The following DPH6 variants were observed in gnomAD, a reference collection of about 807,000 sequenced individuals.
DPH6 encodes diphthamine biosynthesis 6, also known as diphthine--ammonia ligase.
A neutral mutation model predicts 38.2 loss-of-function variants in DPH6; 33 were observed. That is an observed-to-expected ratio of 0.86 (90% CI 0.65 to 1.15). The LOEUF (loss-of-function observed/expected upper bound fraction) is 1.15. Ranked by LOEUF, DPH6 falls within the 50% of genes most tolerant of loss-of-function variation. The pLI, the probability that DPH6 is intolerant of heterozygous loss-of-function variation, is 0.00. For missense variants in DPH6, 325 were observed against 320.0 expected, an observed-to-expected ratio of 1.02 and a Z score of -0.12; for synonymous variants, 108 against 103.0, an observed-to-expected ratio of 1.05 and a Z score of -0.30.
At chr15:35,246,038 C>G (rs11639245) in intron 3 of DPH6, among the ~76,000 whole-genome samples, 4,264 of 152,188 alleles carry the variant, frequency 0.028, 88 homozygotes, top group Middle Eastern at 0.044. Flanking sequence ...TCAGAAGCTC[C>G]CCCACTGAGC....
chr15:35,537,867 G>C (rs1184003190), intron 3 of DPH6, among the ~76,000 whole-genome samples: 1 of 151,982 alleles, frequency 6.6e-6, no homozygotes, highest in Non-Finnish European at 1.5e-5. Context: ...ACTAGAAAGT[G>C]AGCTCCATTA....
intron 3 of DPH6, among the ~76,000 whole-genome samples, chr15:35,294,834 G>A (rs1279940500): frequency 1.3e-5 from 2 of 152,310 alleles, no homozygotes; most frequent in Middle Eastern, 3.4e-3. Flanking sequence ...AGTGAGGGAA[G>A]GTTTTCCTAA....
intron 7 of DPH6, among the ~76,000 whole-genome samples, chr15:35,374,858 C>A (rs1050176014): frequency 6.6e-6 from 1 of 152,004 alleles, no homozygotes; most frequent in African/African-American, 2.4e-5. Context: ...TGCTTGCTAC[C>A]ACCTGTCCCT....
chr15:35,298,654 C>A, intron 3 of DPH6: 2 of 1,286,596 alleles, frequency 1.6e-6, no homozygotes, highest in Non-Finnish European at 2.3e-6. Context: ...TCTTCTCCAC[C>A]GAAAAGGCGG....
chr15:35,525,193 AACAAAAGCT>A (rs563988375), intron 3 of DPH6, among the ~76,000 whole-genome samples: 44 of 152,212 alleles, frequency 2.9e-4, no homozygotes, highest in Non-Finnish European at 4.6e-4. Flanking sequence ...AATTTTTAAA[AACAAAAGCT>A]ACACTTGAGG....
intron 3 of DPH6, among the ~76,000 whole-genome samples, chr15:35,493,764 G>A (rs1037021715): frequency 9.2e-5 from 14 of 152,092 alleles, no homozygotes; most frequent in African/African-American, 3.1e-4. Context: ...ATGGGGGTTA[G>A]AATAATGGTT....
rs376919722 is a variant in DPH6 at position 35,237,300 on chromosome 15, G to A, written n.201-16718C>T. Reference sequence around the variant, plus strand: ...GTTATTGATTGAATTCCAGCGGCGCGGGAGCCTCTGCAGAGAACGCGAGAG... The same window carrying A: ...GTTATTGATTGAATTCCAGCGGCGCAGGAGCCTCTGCAGAGAACGCGAGAG... On this transcript the variant is annotated intron_variant and non_coding_transcript_variant, in intron 3 of 3. Coordinates refer to the DPH6 transcript ENST00000560386. 3.2e-5 allele frequency: 50 copies of A among 1,563,924 alleles called. No individual in the cohort carries two copies. In the African/African-American group the frequency reaches 4.7e-4, roughly 15 times the overall value.
chr15:35,335,262 T>G (rs138546296), intron 3 of DPH6, among the ~76,000 whole-genome samples: 73 of 151,684 alleles, frequency 4.8e-4, no homozygotes, highest in African/African-American at 1.5e-3. Context: ...TTCCTGTAAA[T>G]TTAAGTTCCT....
intron 3 of DPH6, among the ~76,000 whole-genome samples, chr15:35,324,273 G>A (rs2052264550): frequency 6.6e-6 from 1 of 152,124 alleles, no homozygotes; most frequent in Non-Finnish European, 1.5e-5. Flanking sequence ...TATATTAGTA[G>A]AGATATAAGT....
At chr15:35,156,614 C>G in the DPH6 span, among the ~76,000 whole-genome samples, 1 of 152,038 alleles carries the variant, frequency 6.6e-6, no homozygotes, top group African/African-American at 2.4e-5. Flanking sequence ...CTAGAGAATG[C>G]AAATTCATTC....
chr15:35,398,382 A>C (rs1427920434), intron 6 of DPH6, among the ~76,000 whole-genome samples: 1 of 152,190 alleles, frequency 6.6e-6, no homozygotes, highest in Non-Finnish European at 1.5e-5. Context: ...GAAATGGAAA[A>C]GTGCTGAAAG....
intron 3 of DPH6, among the ~76,000 whole-genome samples, chr15:35,501,414 G>C (rs574469076): frequency 3.9e-5 from 6 of 152,162 alleles, no homozygotes; most frequent in Non-Finnish European, 5.9e-5. Context: ...CTTCTGACAA[G>C]TATAACTTTT....
chr15:35,282,231 G>A (rs2051903889), intron 3 of DPH6, among the ~76,000 whole-genome samples: 1 of 152,196 alleles, frequency 6.6e-6, no homozygotes, highest in Admixed American at 6.5e-5. Context: ...AAGTGCAGCA[G>A]TGCAATCATA....
At chr15:35,195,059 A>C in the DPH6 span, among the ~76,000 whole-genome samples, 2 of 152,094 alleles carry the variant, frequency 1.3e-5, no homozygotes, top group African/African-American at 4.8e-5. Context: ...ACCTCTCTTT[A>C]TCCACCCCTT....
intron 5 of DPH6, among the ~76,000 whole-genome samples, chr15:35,421,259 C>T (rs2053501224): frequency 6.6e-6 from 1 of 152,130 alleles, no homozygotes; most frequent in Non-Finnish European, 1.5e-5. Context: ...AGAAAACTAA[C>T]ATTGAAGAAG....
downstream of DPH6, chr15:35,370,734 T>C (rs2052704125): frequency 6.6e-6 from 1 of 151,738 alleles, no homozygotes; most frequent in African/African-American, 2.4e-5. Context: ...TCATTGTTGG[T>C]GGGAATACAA....
At chr15:35,313,189 C>T (rs1226348691) in intron 3 of DPH6, among the ~76,000 whole-genome samples, 1 of 151,770 alleles carries the variant, frequency 6.6e-6, no homozygotes, top group Non-Finnish European at 1.5e-5. Flanking sequence ...GGTGAGATCA[C>T]ACCACTACAC....
At chr15:35,434,626 G>C (rs2053673441) in intron 5 of DPH6, among the ~76,000 whole-genome samples, 1 of 152,072 alleles carries the variant, frequency 6.6e-6, no homozygotes, top group African/African-American at 2.4e-5. Flanking sequence ...AAGTGAAAAT[G>C]AAAGAACAGG....
chr15:35,473,110 C>T (rs1595394455), intron 3 of DPH6, among the ~76,000 whole-genome samples: 1 of 152,110 alleles, frequency 6.6e-6, no homozygotes, highest in East Asian at 1.9e-4. Context: ...CTCTAAGATG[C>T]TCGGTTTCAA....
Sources: gnomAD v4.1 joint callset for allele counts (sites outside exome capture counted in the v4.1 genomes callset) on GRCh38, gnomAD v4.1.1 for gene constraint, MANE v1.5 for transcripts, NCBI Gene and HGNC (gene_info 2026-07-23, HGNC 2026-07-21) for gene names.